The following POLE variants were observed in gnomAD, a reference collection of about 807,000 sequenced individuals.
The protein encoded by POLE is DNA polymerase epsilon, catalytic subunit.
In POLE, 188 loss-of-function variants were observed where a neutral mutation model predicts 279.2. The observed-to-expected ratio is 0.67, with a 90% CI of 0.60 to 0.76. The LOEUF is 0.76. Among genes scored for constraint, POLE ranks in the 30% least tolerant of loss-of-function variants. The pLI is 0.00. For synonymous variants in POLE, 1,214 were observed against 1,172.5 expected, an observed-to-expected ratio of 1.04 and a Z score of -0.72; for missense variants, 2,703 against 3,016.7, an observed-to-expected ratio of 0.90 and a Z score of 2.44.
chr12:132,643,080 G>A (rs2042191188), intron 35 of POLE, 84 bp from the exon 36 acceptor site: 4 of 1,481,120 alleles, frequency 2.7e-6, no homozygotes, highest in African/African-American at 1.4e-5. Flanking sequence ...CACTGCCACG[G>A]CACTGCCAAT....
At position 132,675,489 on chromosome 12, in the gene POLE, G is replaced by A; in HGVS notation, c.1135C>T (p.His379Tyr). ...ATCTCCTGCTGCATGCTCAGACCGT[G>A]GACTGCTGCCCGGGCCTCCACAAAT... ...WPFVEARAAV[H>Y]GLSMQQEIGF... Residue 379 changes from histidine to tyrosine, a missense_variant, in exon 12 of 49, where the codon CAC becomes TAC. This residue lies in a region of POLE where 1,011 missense variants were observed against 1,111.7 expected (regional missense o/e 0.91). Coordinates refer to ENST00000320574, the MANE Select transcript of POLE (RefSeq NM_006231.4). The surrounding 1 kb of genome is among the most constrained non-coding windows in gnomAD (Gnocchi z 4.3). The A allele has an allele frequency of 6.2e-7, 1 of 1,614,120 alleles. No homozygotes were observed. The highest frequency in any genetic ancestry group is 8.5e-7 in the Non-Finnish European group (1 of 1,180,024).
In POLE at chr12:132,664,528, T is replaced by C. The variant is rs1374559691; in HGVS notation, c.2469-66A>G. 4 of 1,213,166 alleles carry C rather than the reference T, an allele frequency of 3.3e-6. No homozygotes were observed. In the African/African-American group the frequency reaches 4.5e-5, roughly 14 times the overall value. 75.2% of individuals were successfully genotyped at this position (1,213,166 alleles called of 1,614,324 possible). ...CTCCTCCAGGGGGTATCAGAGGCAG[T>C]GAGGAGTAGGGAGGAGGAAAGGAGA... On this transcript the variant is annotated intron_variant, in intron 21 of 48. Coordinates refer to ENST00000320574, the MANE Select transcript of POLE (RefSeq NM_006231.4). This position sits in a 1 kb window ranked among gnomAD's most constrained non-coding sequence, Gnocchi z 5.3.
rs2042004595 is a variant in POLE at position 132,634,944 on chromosome 12, G to A, written c.5812-566C>T. ...AGGGTTTATCCCCCAACTCCAACCA[G>A]AATCGCTCCCATCCAGGTGTCCTGG... On this transcript the variant is annotated intron_variant, in intron 42 of 48. Coordinates refer to ENST00000320574, the MANE Select transcript of POLE (RefSeq NM_006231.4). This position sits in a 1 kb window ranked among gnomAD's most constrained non-coding sequence, Gnocchi z 4.0. Among the ~76,000 whole-genome samples, 1 of 152,258 alleles carries A rather than the reference G, an allele frequency of 6.6e-6. No homozygotes were observed. The highest frequency in any genetic ancestry group is 2.1e-4 in the South Asian group (1 of 4,824).
In POLE at chr12:132,661,176, A is replaced by G; in HGVS notation, c.2865-12T>C. 1 of 1,582,660 alleles carries G rather than the reference A, an allele frequency of 6.3e-7. No homozygotes were observed. Among genetic ancestry groups the G allele is most frequent in the South Asian group, 1.1e-5 (1 of 87,082 alleles). ...TGAACACAGCATACCTGAAAAAAAA[A>G]AAAAAGGCAAGCACAGCAGTGGCAA... On this transcript the variant is annotated splice_polypyrimidine_tract_variant and intron_variant, in intron 24 of 48. Transcript: ENST00000320574. This position sits in a 1 kb window ranked among gnomAD's most constrained non-coding sequence, Gnocchi z 4.1.
rs549163600 is a variant in POLE, at chr12:132,635,973, G to C, written c.5730C>G (p.Cys1910Trp). The C allele has an allele frequency of 1.1e-5, 18 of 1,613,878 alleles. No homozygotes were observed. In the South Asian group the frequency reaches 1.9e-4, roughly 17 times the overall value. Residue 1910 changes from cysteine to tryptophan, a missense_variant, in exon 42 of 49, where the codon TGC (cysteine) becomes TGG (tryptophan). By Grantham distance (215) the Cys-to-Trp change is radical. This residue lies in a region of POLE where 1,551 missense variants were observed against 1,686.1 expected (regional missense o/e 0.92). Transcript: ENST00000320574. ...FHSLTISFSR[C>W]WEFLLWMDPS... ...GATCCATCCAGAGAAGAAATTCCCA[G>C]CATCGAGAGAAAGAAATTGTCAGAG...
chr12:132,641,458 G>C, intron 39 of POLE, 189 bp downstream of exon 39: 1 of 602,664 alleles, frequency 1.7e-6, no homozygotes, highest in East Asian at 2.8e-5. Flanking sequence ...CAGTCGCCAG[G>C]GACCAGGCCG....
Position 132,632,716 on chromosome 12 carries a change from C to A in POLE, c.6084G>T (p.Arg2028Ser), listed in dbSNP as rs897232268. The change falls in exon 44 of 49, where the codon AGG becomes AGT. Residue 2028 changes from arginine to serine, a missense_variant. Around this residue, in one of 5 missense-constraint regions of POLE, gnomAD observed 1,551 missense variants for 1,686.1 expected, o/e 0.92. Transcript: ENST00000320574. ...SAPGSTPVRRRGASQLSQEAE... is the reference protein window; with the variant it reads ...SAPGSTPVRRSGASQLSQEAE... The stretch of plus-strand genomic sequence containing the variant: ...CCTCCTGGGAGAGCTGGCTGGCCCC[C>A]CTCCTCCTCACGGGGGTGCTCCCTG... 1 of 1,613,708 alleles carries A rather than the reference C, an allele frequency of 6.2e-7. No homozygotes were observed.
intron 20 of POLE, 68 bp downstream of exon 20, chr12:132,667,435 T>A (rs2042821184): frequency 3.9e-6 from 6 of 1,529,914 alleles, no homozygotes; most frequent in East Asian, 2.3e-5. Flanking sequence ...GAGCCAAGAG[T>A]GCCCACTTCA....
intron 45 of POLE, 43 bp from the exon 46 acceptor site, chr12:132,626,360 C>T (rs894338860): frequency 6.3e-7 from 1 of 1,576,762 alleles, no homozygotes; most frequent in African/African-American, 1.3e-5. Context: ...CTCCCGGGGC[C>T]TCCCTGCTGC....
chr12:132,658,468 G>A (rs1212997719), intron 26 of POLE: 1 of 156,522 alleles, frequency 6.4e-6, no homozygotes, highest in Non-Finnish European at 1.4e-5. Flanking sequence ...CTGCGTTTCT[G>A]AGTAACCACG....
intron 32 of POLE, among the ~76,000 whole-genome samples, chr12:132,647,341 T>C (rs1296130457): frequency 6.6e-6 from 1 of 150,808 alleles, no homozygotes; most frequent in Non-Finnish European, 1.5e-5. Context: ...CTCTAATCCA[T>C]AGTAATACTT....
At position 132,642,294 on chromosome 12, in the gene POLE, G is replaced by C. The variant is rs1476020004; in HGVS notation, c.5056C>G (p.Leu1686Val). The C allele has an allele frequency of 6.2e-7, 1 of 1,606,142 alleles. No homozygotes were observed. The highest frequency in any genetic ancestry group is 1.7e-5 in the Admixed American group (1 of 58,308). ...HLQRHNHLLW[L>V]SPTARPDLGG... is the part of the protein sequence containing the mutation. ...AGGTCAGGGCGGGCTGTAGGGGACAGCCAGAGCAGGTGGTTGTGGCGCTGG... is the reference window on the plus strand; with the variant it reads ...AGGTCAGGGCGGGCTGTAGGGGACACCCAGAGCAGGTGGTTGTGGCGCTGG... Residue 1686 changes from leucine to valine, a missense_variant, in exon 38 of 49, where the codon CTG becomes GTG. This residue lies in a region of POLE where 1,551 missense variants were observed against 1,686.1 expected (regional missense o/e 0.92). Transcript: ENST00000320574.
intron 45 of POLE, among the ~76,000 whole-genome samples, chr12:132,629,497 T>C (rs2041894948): frequency 6.6e-6 from 1 of 152,208 alleles, no homozygotes; most frequent in Non-Finnish European, 1.5e-5. Context: ...CACCCGCACC[T>C]GTTGCCTCAT....
rs756542563 is a variant in POLE at position 132,661,643 on chromosome 12, C to A, written c.2748G>T (p.Pro916=). 1 of 1,614,112 alleles carries A rather than the reference C, an allele frequency of 6.2e-7. No homozygotes were observed. The highest frequency in any genetic ancestry group is 8.5e-7 in the Non-Finnish European group (1 of 1,180,008). The change falls in exon 24 of 49, where the codon CCG becomes CCT. Residue 916 remains proline, a synonymous_variant. Coordinates refer to ENST00000320574, the MANE Select transcript of POLE (RefSeq NM_006231.4). This position sits in a 1 kb window ranked among gnomAD's most constrained non-coding sequence, Gnocchi z 4.1. ...TNDQYQELAE[P]SSLTYVTRSE... is the part of the protein sequence containing the mutation. ...AGCGGGTGACGTAGGTGAGTGAGGA[C>A]GGCTCAGCCAGCTCCTGGTACTGGT... is the stretch of plus-strand genomic sequence containing the variant.
chr12:132,687,253 C>T lies in POLE; in HGVS notation c.62+1G>A. The T allele has an allele frequency of 6.7e-7, 1 of 1,497,244 alleles. No homozygotes were observed. Among genetic ancestry groups the T allele is most frequent in the Non-Finnish European group, 8.9e-7 (1 of 1,125,736 alleles). The allele number at this position is 1,497,244 out of a possible 1,614,324, so 92.7% of individuals were successfully genotyped here. On this transcript the variant is annotated splice_donor_variant, in intron 1 of 48. Coordinates refer to ENST00000320574, the MANE Select transcript of POLE (RefSeq NM_006231.4). LOFTEE classifies it high-confidence loss of function. ...GAGAGCCTCAGGAGGGCGCCCCTCA[C>T]CTGCTGGCCTCGCCATCCGCGCCTG...
At position 132,660,991 on chromosome 12, in the gene POLE, C is replaced by T. The variant is rs778450132; in HGVS notation, c.3038G>A (p.Trp1013Ter). ...YGSVAKVADY[W>*]LDVLYSKAAN... The stretch of plus-strand genomic sequence containing the variant: ...TACCTTGCTGTACAGCACGTCCAGC[C>T]AGTAGTCAGCCACCTTGGCTACAGA... Residue 1013 changes from tryptophan to a stop codon, truncating the protein, a stop_gained, in exon 25 of 49, where the codon TGG becomes TAG. Transcript: ENST00000320574. LOFTEE classifies it high-confidence loss of function. 1 of 1,612,916 alleles carries T rather than the reference C, an allele frequency of 6.2e-7. No individual in the cohort carries two copies. Among genetic ancestry groups the T allele is most frequent in the East Asian group, 2.2e-5 (1 of 44,866 alleles).
chr12:132,644,018 T>C (rs1486480442), intron 32 of POLE, 41 bp from the exon 33 acceptor site: 2 of 1,597,344 alleles, frequency 1.3e-6, no homozygotes, highest in African/African-American at 1.3e-5. Flanking sequence ...TGGGCGTAAG[T>C]GGTAATGTCT....
At position 132,643,960 on chromosome 12, in the gene POLE, A is replaced by G. The variant is rs2138562019; in HGVS notation, c.4167T>C (p.Pro1389=). Residue 1389 remains proline (P), a synonymous_variant, in exon 33 of 49, where the codon CCT becomes CCC. Coordinates refer to ENST00000320574, the MANE Select transcript of POLE (RefSeq NM_006231.4). ...AGAGATTGTAGACCATGTTGGAGCG[A>G]GGAAGGACCCGATTTACCTGGCGAG... The part of the protein sequence containing the change: ...ASYRKVNRVL[P]RSNMVYNLYE... The G allele has an allele frequency of 6.2e-7, 1 of 1,613,560 alleles. No homozygotes were observed. The highest frequency in any genetic ancestry group is 8.5e-7 in the Non-Finnish European group (1 of 1,179,562).
In POLE at chr12:132,637,990, G is replaced by A. The variant is rs372721312; in HGVS notation, c.5678+24C>T. The A allele has an allele frequency of 6.3e-5, 102 of 1,612,556 alleles. 1 individual carries two copies. The highest frequency in any genetic ancestry group is 2.1e-4 in the African/African-American group (16 of 74,976). On this transcript the variant is annotated intron_variant, in intron 41 of 48. Transcript: ENST00000320574. ...ATCCCTCTCAAAGCCACAGTGCTGC[G>A]TCACCAGGACCAGCCAGCCGCACCT... is the stretch of plus-strand genomic sequence containing the variant.
Sources: gnomAD v4.1 joint callset for allele counts (sites outside exome capture counted in the v4.1 genomes callset) on GRCh38, gnomAD v4.1.1 for gene constraint, gnomAD v4.1.1 regional missense constraint, Gnocchi (gnomAD v3.1) non-coding constraint, MANE v1.5 for transcripts, NCBI Gene and HGNC (gene_info 2026-07-23, HGNC 2026-07-21) for gene names.